CHD9: variants seen among roughly 807,000 people sequenced by gnomAD.
CHD9 encodes chromodomain helicase DNA binding protein 9.
In CHD9, 77 loss-of-function variants were observed where a neutral mutation model predicts 316.1. The ratio of observed to expected loss-of-function variants is 0.24; its 90% confidence interval spans 0.20 to 0.29. The LOEUF (loss-of-function observed/expected upper bound fraction) is 0.29, where lower values mean the gene tolerates loss of function less well. Ranked by LOEUF, CHD9 falls within the 10% of genes least tolerant of loss-of-function variation. The pLI is 1.00. For missense variants in CHD9, 2,763 were observed against 3,438.1 expected (o/e 0.80, Z 4.91); for synonymous variants, 1,129 against 1,158.3 (o/e 0.97, Z 0.51).
At chr16:53,115,846 CAAAG>C (rs2038252472) in intron 1 of CHD9, among the ~76,000 whole-genome samples, 1 of 151,956 alleles carries the variant, frequency 6.6e-6, no homozygotes, top group African/African-American at 2.4e-5. Context: ...AATTAGGAGT[CAAAG>C]AAGGCCTCTA....
chr16:53,145,170 A>G lies in CHD9; in HGVS notation c.-164-10756A>G, dbSNP rs2152718216. ...TAATCCCAGCACTTTTTTTTTTTTG[A>G]GACAGACTTTAGCTCTTCTTGCCCA... On this transcript the variant is annotated intron_variant, in intron 1 of 38. Coordinates refer to ENST00000447540, the MANE Select transcript of CHD9 (RefSeq NM_001308319.2). Among the ~76,000 whole-genome samples the G allele has an allele frequency of 1.3e-5, 2 of 149,162 alleles. 1 individual carries two copies. The highest frequency in any genetic ancestry group is 4.3e-4 in the South Asian group (2 of 4,688).
rs143633099 is a variant in CHD9, at chr16:53,258,458, A to G, written c.4209+2679A>G. 2.6e-3 allele frequency among the ~76,000 whole-genome samples: 401 copies of G among 152,238 alleles called. 2 individuals are homozygous for G. The highest frequency in any genetic ancestry group is 9.2e-3 in the African/African-American group (383 of 41,546). ...TGTTTTATAATTTGTTCATTTCCCA[A>G]ATAATTTGTTCATTCCCATAGTTGT... On this transcript the variant is annotated intron_variant, in intron 19 of 38. Coordinates refer to ENST00000447540, the MANE Select transcript of CHD9 (RefSeq NM_001308319.2).
rs760232739 is a variant in CHD9, at chr16:53,156,966, C to G, written c.877C>G (p.Leu293Val). ...PNSLLQSSAV[L>V]ASNHTNQTLS... Reference sequence around the variant, plus strand: ...CAGTCTACTTCAGTCCTCTGCAGTTCTTGCATCTAATCATACAAATCAGAC... The same window carrying G: ...CAGTCTACTTCAGTCCTCTGCAGTTGTTGCATCTAATCATACAAATCAGAC... Residue 293 changes from leucine (L) to valine (V), a missense_variant, in exon 2 of 39, where the codon CTT becomes GTT. Around this residue, in one of 15 missense-constraint regions of CHD9, gnomAD observed 859 missense variants for 890.4 expected, o/e 0.96. Transcript: ENST00000447540. 6.2e-7 allele frequency: 1 copy of G among 1,612,774 alleles called. No individual in the cohort carries two copies. The highest frequency in any genetic ancestry group is 1.1e-5 in the South Asian group (1 of 91,058).
At chr16:53,098,752 G>A (rs747672254) in intron 1 of CHD9, among the ~76,000 whole-genome samples, 9 of 152,096 alleles carry the variant, frequency 5.9e-5, no homozygotes, top group Non-Finnish European at 1.0e-4. Flanking sequence ...CAGGCCCAAT[G>A]CACCCCATTA....
In CHD9 at chr16:53,231,724, T is replaced by A. The variant is rs1269703262; in HGVS notation, c.2451T>A (p.Asp817Glu). The change falls in exon 10 of 39, where the codon GAT (aspartate) becomes GAA (glutamate). Residue 817 changes from aspartate to glutamate, a missense_variant. Asp to Glu is a conservative substitution (Grantham distance 45). Around this residue, in one of 15 missense-constraint regions of CHD9, gnomAD observed 186 missense variants for 245.0 expected, o/e 0.76. Coordinates refer to ENST00000447540, the MANE Select transcript of CHD9 (RefSeq NM_001308319.2). ...CTTGGGAACTAAAAGAAGATGTAGA[T>A]CTTGCAAAAATAGAAGAGTTTGAAC... ...DSTWELKEDV[D>E]LAKIEEFEQL... 2 of 1,612,408 alleles carry A rather than the reference T, an allele frequency of 1.2e-6. No individual in the cohort carries two copies. Among genetic ancestry groups the A allele is most frequent in the Admixed American group, 1.7e-5 (1 of 59,848 alleles).
chr16:53,152,574 ATTTCAGTT>A (rs1478349503), intron 1 of CHD9, among the ~76,000 whole-genome samples: 3 of 152,132 alleles, frequency 2.0e-5, no homozygotes, highest in Non-Finnish European at 2.9e-5. Flanking sequence ...CATAGTAAGG[ATTTCAGTT>A]TTTCATGTGA....
intron 26 of CHD9, among the ~76,000 whole-genome samples, chr16:53,287,602 C>G (rs2053989463): frequency 6.6e-6 from 1 of 152,166 alleles, no homozygotes; most frequent in African/African-American, 2.4e-5. Flanking sequence ...TGGCATGTAC[C>G]TGTAGTCCCA....
chr16:53,069,063 GGTGCCATCTTGGCTTACT>G (rs1472372684), intron 1 of CHD9, among the ~76,000 whole-genome samples: 3 of 151,884 alleles, frequency 2.0e-5, no homozygotes, highest in Non-Finnish European at 4.4e-5. Flanking sequence ...GTACTGCAGT[GGTGCCATCTTGGCTTACT>G]GCAACCTCTG....
intron 17 of CHD9, chr16:53,250,436 G>C (rs1234699293): frequency 1.1e-5 from 2 of 176,680 alleles, no homozygotes; most frequent in African/African-American, 2.4e-5. Context: ...AAAGTGCTGG[G>C]TTTACAGGCA....
intron 19 of CHD9, among the ~76,000 whole-genome samples, chr16:53,259,292 G>A (rs1157090315): frequency 1.3e-5 from 2 of 152,092 alleles, no homozygotes; most frequent in East Asian, 3.9e-4. Flanking sequence ...TATAATGAAT[G>A]TAACAAAGCT....
At chr16:53,207,968 A>C (rs1357095487) in intron 2 of CHD9, 6 of 919,888 alleles carry the variant, frequency 6.5e-6, no homozygotes, top group Non-Finnish European at 7.8e-6. Flanking sequence ...AGGAGTCAGT[A>C]TTTTTAACGA....
chr16:53,264,470 T>C (rs1349470625), intron 20 of CHD9, among the ~76,000 whole-genome samples: 1 of 152,112 alleles, frequency 6.6e-6, no homozygotes, highest in Non-Finnish European at 1.5e-5. Flanking sequence ...TTATGTACCA[T>C]GTACTGTGGA....
chr16:53,314,753 T>C lies in CHD9; in HGVS notation c.7363-70T>C, dbSNP rs918408485. On this transcript the variant is annotated intron_variant, in intron 35 of 38. Transcript: ENST00000447540. Reference sequence around the variant, plus strand: ...ACTTATTTTTTCTCTTCAAAAATAATTGCTTTATTGAACCAATATTAGAAT... The same window carrying C: ...ACTTATTTTTTCTCTTCAAAAATAACTGCTTTATTGAACCAATATTAGAAT... The C allele has an allele frequency of 2.4e-6, 3 of 1,259,142 alleles. No individual in the cohort carries two copies. In the African/African-American group the frequency reaches 4.5e-5, roughly 19 times the overall value. The allele number at this position is 1,259,142 out of a possible 1,614,324, so 78.0% of individuals were successfully genotyped here.
At chr16:53,198,315 A>ATT (rs34946383) in intron 2 of CHD9, among the ~76,000 whole-genome samples, 15,088 of 125,058 alleles carry the variant, frequency 0.12, 1,156 homozygotes, top group South Asian at 0.26. Flanking sequence ...TAAGCATTCA[A>ATT]TTTTTTTTTT....
At chr16:53,100,451 G>GTTTTTTTTT (rs749088511) in intron 1 of CHD9, among the ~76,000 whole-genome samples, 1 of 102,730 alleles carries the variant, frequency 9.7e-6, no homozygotes, top group Non-Finnish European at 2.4e-5. Context: ...AGACTCATTC[G>GTTTTTTTTT]TCTTTTTTTT....
At position 53,304,529 on chromosome 16, in the gene CHD9, T is replaced by C; in HGVS notation, c.6523T>C (p.Ser2175Pro). 6.5e-7 allele frequency: 1 copy of C among 1,547,970 alleles called. No homozygotes were observed. Among genetic ancestry groups the C allele is most frequent in the Non-Finnish European group, 8.7e-7 (1 of 1,143,432 alleles). Residue 2175 changes from serine (S) to proline (P), a missense_variant, in exon 31 of 39, where the codon TCT (serine) becomes CCT (proline). By Grantham distance (74) the Ser-to-Pro change is moderately conservative. Around this residue, in one of 15 missense-constraint regions of CHD9, gnomAD observed 663 missense variants for 751.2 expected, o/e 0.88. Coordinates refer to ENST00000447540, the MANE Select transcript of CHD9 (RefSeq NM_001308319.2). ...SSSSSSCSSASSSSSSSTSSS... is the reference protein window; with the variant it reads ...SSSSSSCSSAPSSSSSSTSSS... ...TTCATCTTCATCTTGTTCTTCAGCA[T>C]CTTCTTCATCCTCTTCCTCCACCTC...
At chr16:53,157,915 C>G (rs1183978209) in intron 2 of CHD9, among the ~76,000 whole-genome samples, 1 of 151,916 alleles carries the variant, frequency 6.6e-6, no homozygotes, top group Non-Finnish European at 1.5e-5. Flanking sequence ...GTTAATATTC[C>G]TATAAAAAGC....
At chr16:53,293,568 A>G (rs1019213862) in intron 29 of CHD9, among the ~76,000 whole-genome samples, 11 of 152,180 alleles carry the variant, frequency 7.2e-5, no homozygotes, top group African/African-American at 2.7e-4. Context: ...GTGAGATGTG[A>G]TTGTACCACT....
intron 2 of CHD9, among the ~76,000 whole-genome samples, chr16:53,175,164 G>A (rs759993479): frequency 1.3e-5 from 2 of 152,022 alleles, no homozygotes; most frequent in African/African-American, 2.4e-5. Flanking sequence ...ACGGACAATT[G>A]CTGATCACTA....
Sources: allele counts gnomAD v4.1 joint callset (sites outside exome capture counted in the v4.1 genomes callset), GRCh38; gene constraint gnomAD v4.1.1; regional missense constraint gnomAD v4.1.1; transcripts MANE v1.5; gene names NCBI Gene and HGNC (gene_info 2026-07-23, HGNC 2026-07-21).